Variants in PAM observed in about 807,000 individuals in gnomAD.
PAM encodes peptidyl-glycine alpha-amidating monooxygenase.
Under a neutral mutation model 122.1 loss-of-function variants are expected in PAM, and 72 were observed. That is an observed-to-expected ratio of 0.59 (90% confidence interval 0.49 to 0.72). The LOEUF is 0.72. PAM is among the 30% of genes least tolerant of loss of function. The probability of loss-of-function intolerance (pLI) is 0.00; values close to 1 mark genes in which losing one functional copy is unlikely to be tolerated. For missense variants in PAM, 1,106 were observed against 1,183.7 expected (o/e 0.93, Z 0.96); for synonymous variants, 389 against 404.4 (o/e 0.96, Z 0.46).
At chr5:102,823,862 A>T (rs1430530776) in intron 1 of PAM, among the ~76,000 whole-genome samples, 2 of 152,192 alleles carry the variant, frequency 1.3e-5, no homozygotes, top group Non-Finnish European at 2.9e-5. Context: ...AGGTCACAGA[A>T]AGGGAACTAA....
rs374329712 is a variant in PAM, at chr5:103,007,442, T to G, written c.2015-15T>G. ...TTTTAACATTGTGTATCTAAGGCTT[T>G]TTTTTGTTCTGCAGAGTCTTCAGGG... On this transcript the variant is annotated splice_polypyrimidine_tract_variant and intron_variant, in intron 19 of 25. Coordinates refer to ENST00000438793, the MANE Select transcript of PAM (RefSeq NM_001177306.2). 2.5e-6 allele frequency: 4 copies of G among 1,611,082 alleles called. No homozygotes were observed. The highest frequency in any genetic ancestry group is 2.7e-5 in the African/African-American group (2 of 74,756).
chr5:102,843,401 A>G (rs1278990575), intron 1 of PAM, among the ~76,000 whole-genome samples: 1 of 152,136 alleles, frequency 6.6e-6, no homozygotes, highest in African/African-American at 2.4e-5. Context: ...TAAATGTAAA[A>G]AATAAAACTA....
chr5:102,997,215 T>C (rs979598109), intron 16 of PAM, among the ~76,000 whole-genome samples: 2 of 152,318 alleles, frequency 1.3e-5, no homozygotes, highest in African/African-American at 4.8e-5. Context: ...GAAAGATATC[T>C]TGATATGTTG....
intron 3 of PAM, among the ~76,000 whole-genome samples, chr5:102,894,255 C>G (rs1361827989): frequency 6.6e-6 from 1 of 151,420 alleles, no homozygotes; most frequent in African/African-American, 2.4e-5. Context: ...GAACTGAGTT[C>G]TTTAAAATAT....
chr5:102,999,462 T>A (rs1187115998), intron 16 of PAM, among the ~76,000 whole-genome samples: 1 of 152,216 alleles, frequency 6.6e-6, no homozygotes, highest in Non-Finnish European at 1.5e-5. Flanking sequence ...TTCCAAGGTC[T>A]GGAGAATGGT....
intron 21 of PAM, among the ~76,000 whole-genome samples, chr5:103,016,423 C>A (rs550430929): frequency 1.3e-5 from 2 of 152,274 alleles, no homozygotes; most frequent in East Asian, 1.9e-4. Context: ...TCCAGGCAGG[C>A]CTTCTGGCCT....
intron 7 of PAM, among the ~76,000 whole-genome samples, chr5:102,941,057 T>A (rs751752948): frequency 1.3e-5 from 2 of 152,192 alleles, no homozygotes; most frequent in Admixed American, 1.3e-4. Context: ...TTTTGAGAGA[T>A]AAAATAGTAT....
In PAM at chr5:103,007,842, A is replaced by G. The variant is rs546112693; in HGVS notation, c.2215+185A>G. Reference sequence around the variant, plus strand: ...TAAGGTACCACTATTCATTGTACAGAAACAATGAAGAACTCAAAGGATTTA... The same window carrying G: ...TAAGGTACCACTATTCATTGTACAGGAACAATGAAGAACTCAAAGGATTTA... On this transcript the variant is annotated intron_variant, in intron 20 of 25. Coordinates refer to ENST00000438793, the MANE Select transcript of PAM (RefSeq NM_001177306.2). Among the ~76,000 whole-genome samples the G allele has an allele frequency of 4.6e-5, 7 of 152,292 alleles. No homozygotes were observed. The South Asian group carries it at 1.4e-3, about 32-fold the overall frequency.
At chr5:102,814,116 T>G (rs556934772) in intron 1 of PAM, among the ~76,000 whole-genome samples, 1 of 152,274 alleles carries the variant, frequency 6.6e-6, no homozygotes, top group East Asian at 1.9e-4. Context: ...ATGCCAAGGG[T>G]GCATGAGGGG....
chr5:102,909,146 A>G (rs1800616986), intron 4 of PAM, among the ~76,000 whole-genome samples: 1 of 151,652 alleles, frequency 6.6e-6, no homozygotes, highest in African/African-American at 2.4e-5. Flanking sequence ...CACCTTCCCA[A>G]TTCTCTCAAT....
intron 16 of PAM, among the ~76,000 whole-genome samples, chr5:103,002,284 G>GTA (rs968586080): frequency 3.3e-5 from 5 of 151,960 alleles, no homozygotes; most frequent in East Asian, 1.9e-4. Context: ...AATTTTGAAA[G>GTA]TATATATATA....
At chr5:102,849,814 G>A (rs990141111) in intron 1 of PAM, among the ~76,000 whole-genome samples, 2 of 151,952 alleles carry the variant, frequency 1.3e-5, no homozygotes, top group Non-Finnish European at 2.9e-5. Context: ...CAACATATTC[G>A]GGAAAATGAA....
intron 22 of PAM, among the ~76,000 whole-genome samples, chr5:103,018,378 A>G (rs1189783820): frequency 1.3e-5 from 2 of 152,254 alleles, no homozygotes; most frequent in Non-Finnish European, 2.9e-5. Context: ...GTCCAAACAC[A>G]TAATCAGATA....
chr5:102,774,021 C>T (rs994232624), intron 1 of PAM, among the ~76,000 whole-genome samples: 2 of 152,068 alleles, frequency 1.3e-5, no homozygotes, highest in Non-Finnish European at 2.9e-5. Context: ...CCAGCTCCAC[C>T]CATGTTCCTA....
intron 1 of PAM, among the ~76,000 whole-genome samples, chr5:102,814,561 A>ATATATACATATATATT (rs1561519210): frequency 4.2e-4 from 62 of 146,912 alleles, no homozygotes; most frequent in African/African-American, 1.5e-3. Context: ...ACATATATAT[A>ATATATACATATATATT]GATATATACA....
At chr5:102,932,314 C>T (rs1305540978) in intron 7 of PAM, among the ~76,000 whole-genome samples, 2 of 151,926 alleles carry the variant, frequency 1.3e-5, no homozygotes, top group African/African-American at 4.8e-5. Context: ...ATGGTGAAAC[C>T]CTGTCTCTAC....
intron 1 of PAM, among the ~76,000 whole-genome samples, chr5:102,813,720 CT>C (rs893632000): frequency 4.6e-5 from 7 of 152,158 alleles, no homozygotes; most frequent in Admixed American, 4.6e-4. Context: ...AATTCTATAA[CT>C]GGAACAATTT....
intron 17 of PAM, among the ~76,000 whole-genome samples, chr5:103,003,529 TATACATATGTC>T (rs372523262): frequency 8.2e-4 from 125 of 152,282 alleles, no homozygotes; most frequent in African/African-American, 3.0e-3. Flanking sequence ...CTCCACATTG[TATACATATGTC>T]ATAACATCAC....
At position 102,827,886 on chromosome 5, in the gene PAM, C is replaced by CAATAT. The variant is rs1170029944; in HGVS notation, c.-373-37937_-373-37936insAATAT. ...TATTTTTAGTAGAGACGGGGTTTCA[C>CAATAT]CTTGTTAGCCAGGATGGTGAAGCTC... On this transcript the variant is annotated intron_variant, in intron 1 of 25. Coordinates refer to ENST00000438793, the MANE Select transcript of PAM (RefSeq NM_001177306.2). 3.6e-4 allele frequency among the ~76,000 whole-genome samples: 5 copies of CAATAT among 13,962 alleles called. 1 individual carries two copies. The highest frequency in any genetic ancestry group is 0.071 in the Middle Eastern group (1 of 14). 9.2% of individuals were successfully genotyped at this position (13,962 alleles called of 152,430 possible).
Sources: gnomAD v4.1 joint callset for allele counts (sites outside exome capture counted in the v4.1 genomes callset) on GRCh38, gnomAD v4.1.1 for gene constraint, MANE v1.5 for transcripts, NCBI Gene and HGNC (gene_info 2026-07-23, HGNC 2026-07-21) for gene names.